FKBP9: variants seen among roughly 807,000 people sequenced by gnomAD.
FKBP9 encodes the protein peptidyl-prolyl cis-trans isomerase FKBP9.
A neutral mutation model predicts 55.6 loss-of-function variants in FKBP9; 27 were observed. The ratio of observed to expected loss-of-function variants is 0.49; its 90% CI spans 0.36 to 0.67. The LOEUF (loss-of-function observed/expected upper bound fraction) is 0.67, where lower values mean the gene tolerates loss of function less well. Among genes scored for constraint, FKBP9 ranks in the 30% least tolerant of loss-of-function variants. The pLI is 0.00. For missense variants in FKBP9, 539 were observed against 742.8 expected (o/e 0.73, Z 3.19); for synonymous variants, 267 against 296.5 (o/e 0.90, Z 1.02).
intron 4 of FKBP9, among the ~76,000 whole-genome samples, chr7:32,979,930 G>A (rs547249321): frequency 2.3e-4 from 35 of 151,416 alleles, no homozygotes; most frequent in African/African-American, 4.4e-4. Context: ...AAAATTGGCC[G>A]TTCGTTTCAA....
chr7:32,995,417 A>G (rs1012028995), intron 6 of FKBP9, among the ~76,000 whole-genome samples: 1 of 152,102 alleles, frequency 6.6e-6, no homozygotes, highest in Non-Finnish European at 1.5e-5. Context: ...AGTGTCCCCC[A>G]CGCCCCTGGG....
At position 32,957,583 on chromosome 7, in the gene FKBP9, C is replaced by A; in HGVS notation, c.10C>A (p.Arg4=). 6.8e-7 allele frequency: 1 copy of A among 1,467,594 alleles called. No homozygotes were observed. Among genetic ancestry groups the A allele is most frequent in the South Asian group, 1.3e-5 (1 of 76,506 alleles). The allele number at this position is 1,467,594 out of a possible 1,614,324, so 90.9% of individuals were successfully genotyped here. MAF[R]GWRPPPPPLL... ...TCTTCTCGCCGCCCCGATGGCGTTC[C>A]GGGGCTGGAGGCCCCCGCCGCCACC... Residue 4 remains arginine, a synonymous_variant, in exon 1 of 10, where the codon CGG becomes AGG. Transcript: ENST00000242209.
intron 7 of FKBP9, among the ~76,000 whole-genome samples, chr7:32,998,017 C>G (rs903751381): frequency 1.3e-5 from 2 of 152,044 alleles, no homozygotes; most frequent in African/African-American, 2.4e-5. Flanking sequence ...AAAATGTATC[C>G]TAATTATAGA....
rs10142 is a variant in FKBP9, at chr7:33,006,585, C to T, written c.*1234C>T. ...TTGTCCCAATAGATGAGCTGCTGAG[C>T]ATCAACAAGGTGACATTTTTCTGCT... is the stretch of plus-strand genomic sequence containing the variant. On this transcript the variant is annotated 3_prime_UTR_variant, in exon 10 of 10. Coordinates refer to ENST00000242209, the MANE Select transcript of FKBP9 (RefSeq NM_007270.5). 113,902 of 208,700 alleles carry T rather than the reference C, an allele frequency of 0.55. 33,086 individuals carry two copies. Among genetic ancestry groups the T allele is most frequent in the African/African-American group, 0.76 (33,254 of 43,912 alleles). The allele number at this position is 208,700 out of a possible 1,614,324, so 12.9% of individuals were successfully genotyped here.
chr7:32,983,634 CT>C (rs1262451058), intron 5 of FKBP9, among the ~76,000 whole-genome samples: 2 of 152,104 alleles, frequency 1.3e-5, no homozygotes, highest in African/African-American at 2.4e-5. Context: ...ATTTTTATAC[CT>C]TTTGATACAT....
chr7:32,970,915 C>T (rs1784239180), intron 1 of FKBP9, among the ~76,000 whole-genome samples: 2 of 150,196 alleles, frequency 1.3e-5, no homozygotes, highest in African/African-American at 4.9e-5. Flanking sequence ...AGTTCCAGGA[C>T]CATGCTGAAT....
chr7:32,972,277 G>T (rs913879341), intron 1 of FKBP9, among the ~76,000 whole-genome samples: 1 of 152,096 alleles, frequency 6.6e-6, no homozygotes, highest in Non-Finnish European at 1.5e-5. Context: ...CCTCTGGCTT[G>T]TTGGCCTGTA....
At chr7:32,986,695 G>A (rs1420663922) in intron 5 of FKBP9, among the ~76,000 whole-genome samples, 1 of 152,220 alleles carries the variant, frequency 6.6e-6, no homozygotes, top group African/African-American at 2.4e-5. Flanking sequence ...ATGACTTTGT[G>A]GTCTTTGAGG....
intron 1 of FKBP9, among the ~76,000 whole-genome samples, chr7:32,961,340 T>C (rs1238507575): frequency 6.6e-6 from 1 of 152,170 alleles, no homozygotes; most frequent in Non-Finnish European, 1.5e-5. Context: ...TCTAGCACAG[T>C]AGTGTTTAAA....
chr7:32,996,636 TCC>T (rs1784794771), intron 7 of FKBP9, among the ~76,000 whole-genome samples: 1 of 146,928 alleles, frequency 6.8e-6, no homozygotes, highest in Non-Finnish European at 1.5e-5. Flanking sequence ...CTTCCTTCCT[TCC>T]TTCCTTCCTT....
At chr7:32,979,772 C>T (rs1454831325) in intron 4 of FKBP9, among the ~76,000 whole-genome samples, 2 of 152,166 alleles carry the variant, frequency 1.3e-5, no homozygotes, top group Non-Finnish European at 2.9e-5. Context: ...AGCAGTACTA[C>T]CCAGAAGTGA....
intron 4 of FKBP9, among the ~76,000 whole-genome samples, chr7:32,977,881 ATG>A (rs767656365): frequency 0.033 from 4,557 of 136,828 alleles, 177 homozygotes; most frequent in African/African-American, 0.075. Context: ...ATATATATAT[ATG>A]TATATATACA....
At chr7:32,997,241 G>T (rs1354513548) in intron 7 of FKBP9, among the ~76,000 whole-genome samples, 1 of 152,028 alleles carries the variant, frequency 6.6e-6, no homozygotes, top group Admixed American at 6.6e-5. Context: ...GGCTAATTTT[G>T]TTTACTTTTT....
At chr7:33,002,570 A>G in intron 8 of FKBP9, 106 bp from the exon 9 acceptor site, 4 of 1,499,724 alleles carry the variant, frequency 2.7e-6, no homozygotes, top group Non-Finnish European at 3.6e-6. Flanking sequence ...TTTGGTCAGA[A>G]GTCCCACTCT....
chr7:32,974,684 G>T lies in FKBP9; in HGVS notation c.289G>T (p.Ala97Ser). The T allele has an allele frequency of 6.2e-7, 1 of 1,613,926 alleles. No homozygotes were observed. The highest frequency in any genetic ancestry group is 1.1e-5 in the South Asian group (1 of 91,080). ...ACAGCTGATCACAGGGATGGACCAG[G>T]CTCTTGTTGGGATGTGCGTAAACGA... ...KGQLITGMDQ[A>S]LVGMCVNERR... Residue 97 changes from alanine (A) to serine (S), a missense_variant, in exon 2 of 10, where the codon GCT becomes TCT. By Grantham distance (99) the Ala-to-Ser change is moderately conservative. Transcript: ENST00000242209.
chr7:32,974,996 TTTTTCTC>T, intron 2 of FKBP9, 179 bp from the exon 3 acceptor site: 1 of 649,776 alleles, frequency 1.5e-6, no homozygotes, highest in Non-Finnish European at 2.6e-6. Flanking sequence ...AGAAGACTGT[TTTTTCTC>T]TTTTCTTTCA....
Position 32,957,594 on chromosome 7 carries a change from G to A in FKBP9, c.21G>A (p.Arg7=), listed in dbSNP as rs531355097. 7 of 1,472,726 alleles carry A rather than the reference G, an allele frequency of 4.8e-6. No homozygotes were observed. The highest frequency in any genetic ancestry group is 2.9e-5 in the African/African-American group (2 of 68,110). The allele number at this position is 1,472,726 out of a possible 1,614,324, so 91.2% of individuals were successfully genotyped here. Residue 7 remains arginine (R), a synonymous_variant, in exon 1 of 10, where the codon AGG becomes AGA. Transcript: ENST00000242209. MAFRGW[R]PPPPPLLLLL... ...CCCCGATGGCGTTCCGGGGCTGGAGGCCCCCGCCGCCACCGCTGCTCCTGC... is the reference window on the plus strand; with the variant it reads ...CCCCGATGGCGTTCCGGGGCTGGAGACCCCCGCCGCCACCGCTGCTCCTGC...
intron 8 of FKBP9, among the ~76,000 whole-genome samples, chr7:33,001,196 A>G (rs1784923707): frequency 1.3e-5 from 2 of 152,190 alleles, no homozygotes; most frequent in African/African-American, 4.8e-5. Flanking sequence ...CCCGTAAAAG[A>G]ATTGTAAAGT....
chr7:32,996,462 C>G lies in FKBP9; in HGVS notation c.1226+113C>G, dbSNP rs1407535039. The G allele has an allele frequency of 7.5e-6, 5 of 667,206 alleles. No individual in the cohort carries two copies. The African/African-American group carries it at 9.0e-5, about 12-fold the overall frequency. 41.3% of individuals were successfully genotyped at this position (667,206 alleles called of 1,614,324 possible). Reference sequence around the variant, plus strand: ...TTGAGAGCTTTTATCTCCATGCTGCCCCACTGCATAGCTCGTGGCTGCATC... The same window carrying G: ...TTGAGAGCTTTTATCTCCATGCTGCGCCACTGCATAGCTCGTGGCTGCATC... On this transcript the variant is annotated intron_variant, in intron 7 of 9. Coordinates refer to ENST00000242209, the MANE Select transcript of FKBP9 (RefSeq NM_007270.5).
Sources: allele counts gnomAD v4.1 joint callset (sites outside exome capture counted in the v4.1 genomes callset), GRCh38; gene constraint gnomAD v4.1.1; transcripts MANE v1.5; gene names NCBI Gene and HGNC (gene_info 2026-07-23, HGNC 2026-07-21).